KLHDC8A: variants seen among roughly 807,000 people sequenced by gnomAD.
KLHDC8A encodes the protein kelch domain containing 8A, also known as kelch domain-containing protein 8A.
A neutral mutation model predicts 33.1 loss-of-function variants in KLHDC8A; 21 were observed. The observed-to-expected ratio is 0.64, with a 90% CI of 0.45 to 0.91. The LOEUF is 0.91. KLHDC8A is among the 40% of genes least tolerant of loss of function. The pLI, the probability that KLHDC8A is intolerant of heterozygous loss-of-function variation, is 0.00. For synonymous variants in KLHDC8A, 173 were observed against 193.5 expected (o/e 0.89, Z 0.88); for missense variants, 435 against 483.3 (o/e 0.90, Z 0.94).
rs111993013 is a variant in KLHDC8A at position 205,338,419 on chromosome 1, C to T, written c.859+76G>A. ...GTCTGCAGGGAGTCAGTACCCTTTCCTGCATATGCAAAGTGCCAAGGATCC... is the reference window on the plus strand; with the variant it reads ...GTCTGCAGGGAGTCAGTACCCTTTCTTGCATATGCAAAGTGCCAAGGATCC... On this transcript the variant is annotated intron_variant, in intron 5 of 5. Coordinates refer to ENST00000367155, the MANE Select transcript of KLHDC8A (RefSeq NM_018203.3). 327 of 1,174,488 alleles carry T rather than the reference C, an allele frequency of 2.8e-4. No individual in the cohort carries two copies. In the African/African-American group the frequency reaches 3.8e-3, roughly 14 times the overall value. 72.8% of individuals were successfully genotyped at this position (1,174,488 alleles called of 1,614,324 possible).
chr1:205,343,724 C>G lies in KLHDC8A; in HGVS notation c.-120G>C. 1 of 1,073,494 alleles carries G rather than the reference C, an allele frequency of 9.3e-7. No individual in the cohort carries two copies. Among genetic ancestry groups the G allele is most frequent in the East Asian group, 2.6e-5 (1 of 38,036 alleles). 66.5% of individuals were successfully genotyped at this position (1,073,494 alleles called of 1,614,324 possible). Reference sequence around the variant, plus strand: ...TCCATCTGGCTCCCGAGCGCCGGACCCAGCCAGACCCCGGCCAGTGCTTCA... The same window carrying G: ...TCCATCTGGCTCCCGAGCGCCGGACGCAGCCAGACCCCGGCCAGTGCTTCA... On this transcript the variant is annotated 5_prime_UTR_variant, in exon 2 of 6. Transcript: ENST00000367155.
intron 2 of KLHDC8A, among the ~76,000 whole-genome samples, chr1:205,341,170 G>C (rs1275338423): frequency 6.6e-6 from 1 of 152,106 alleles, no homozygotes; most frequent in East Asian, 1.9e-4. Context: ...AGAGAGGATG[G>C]GCAAGGCATC....
At position 205,343,214 on chromosome 1, in the gene KLHDC8A, C is replaced by T. The variant is rs2102285093; in HGVS notation, c.376+15G>A. On this transcript the variant is annotated intron_variant, in intron 2 of 5. Transcript: ENST00000367155. ...TTCCTTCTCTCTGGCCGCCCTCAGC[C>T]CTGGCCCCACTTGCCTTTGGCCGTG... 4 of 1,571,914 alleles carry T rather than the reference C, an allele frequency of 2.5e-6. No individual in the cohort carries two copies. The highest frequency in any genetic ancestry group is 1.7e-5 in the Admixed American group (1 of 57,706).
chr1:205,341,356 T>C (rs1265696989), intron 2 of KLHDC8A, among the ~76,000 whole-genome samples: 6 of 19,554 alleles, frequency 3.1e-4, no homozygotes, highest in Admixed American at 1.5e-3. Context: ...TCCAATCTTA[T>C]TGGAAAAAAA....
rs1276637282 is a variant in KLHDC8A at position 205,343,509 on chromosome 1, C to G, written c.96G>C (p.Gln32His). Residue 32 changes from glutamine to histidine, a missense_variant, in exon 2 of 6, where the codon CAG (glutamine) becomes CAC (histidine). Physicochemically the swap from Gln to His is conservative, Grantham distance 24. Transcript: ENST00000367155. ...VYCSLLETGG[Q>H]VYAIGGCDDN... Reference sequence around the variant, plus strand: ...CGTCACATCCCCCGATGGCATAGACCTGGCCCCCGGTCTCCAGCAGGGAGC... The same window carrying G: ...CGTCACATCCCCCGATGGCATAGACGTGGCCCCCGGTCTCCAGCAGGGAGC... 1.5e-5 allele frequency: 25 copies of G among 1,613,374 alleles called. No individual in the cohort carries two copies. Among genetic ancestry groups the G allele is most frequent in the Non-Finnish European group, 1.9e-5 (23 of 1,179,882 alleles).
chr1:205,340,403 A>G (rs1436416926), intron 2 of KLHDC8A, among the ~76,000 whole-genome samples: 1 of 152,188 alleles, frequency 6.6e-6, no homozygotes, highest in Non-Finnish European at 1.5e-5. Context: ...CACTGCGTGA[A>G]GTTTAGGCCT....
At chr1:205,350,973 G>C (rs1663086862) in intron 1 of KLHDC8A, among the ~76,000 whole-genome samples, 1 of 152,212 alleles carries the variant, frequency 6.6e-6, no homozygotes, top group Non-Finnish European at 1.5e-5. Context: ...CCTAGAGGTA[G>C]AGGGCCTGCT....
intron 1 of KLHDC8A, among the ~76,000 whole-genome samples, chr1:205,345,697 C>T (rs111417752): frequency 0.02 from 3,056 of 152,210 alleles, 116 homozygotes; most frequent in African/African-American, 0.07. Flanking sequence ...GCTGAGATTG[C>T]GCCACTGCAC....
rs114856136 is a variant in KLHDC8A, at chr1:205,347,385, C to T, written c.-189-3592G>A. Among the ~76,000 whole-genome samples, 1,054 of 152,244 alleles carry T rather than the reference C, an allele frequency of 6.9e-3. 13 individuals carry two copies. The highest frequency in any genetic ancestry group is 0.024 in the African/African-American group (986 of 41,528). On this transcript the variant is annotated intron_variant, in intron 1 of 5. Transcript: ENST00000367155. ...AAATCCTTCTTGCTCTAAAATCTTG[C>T]GTAACATTAAGCCGGTGTTTCTCTT...
At position 205,343,537 on chromosome 1, in the gene KLHDC8A, T is replaced by G; in HGVS notation, c.68A>C (p.Tyr23Ser). 1 of 1,612,824 alleles carries G rather than the reference T, an allele frequency of 6.2e-7. No homozygotes were observed. The highest frequency in any genetic ancestry group is 8.5e-7 in the Non-Finnish European group (1 of 1,179,546). ...RLAPLPSRRVYCSLLETGGQV... is the reference protein window; with the variant it reads ...RLAPLPSRRVSCSLLETGGQV... ...GCCCCCGGTCTCCAGCAGGGAGCAGTAGACCCGGCGGCTGGGCAGTGGCGC... is the reference window on the plus strand; with the variant it reads ...GCCCCCGGTCTCCAGCAGGGAGCAGGAGACCCGGCGGCTGGGCAGTGGCGC... Residue 23 changes from tyrosine (Y) to serine (S), a missense_variant, in exon 2 of 6, where the codon TAC becomes TCC. By Grantham distance (144) the Tyr-to-Ser change is moderately radical. Coordinates refer to ENST00000367155, the MANE Select transcript of KLHDC8A (RefSeq NM_018203.3).
intron 1 of KLHDC8A, among the ~76,000 whole-genome samples, chr1:205,350,856 T>TGCGCAC (rs1439664153): frequency 1.7e-5 from 2 of 115,248 alleles, no homozygotes; most frequent in East Asian, 5.8e-4. Context: ...CATGTGTGTG[T>TGCGCAC]GCATGTGTGT....
intron 1 of KLHDC8A, among the ~76,000 whole-genome samples, chr1:205,352,922 A>C (rs1458401507): frequency 1.3e-5 from 2 of 152,342 alleles, no homozygotes; most frequent in African/African-American, 4.8e-5. Flanking sequence ...CAAGAAACAG[A>C]GGGACAATTT....
At chr1:205,342,100 A>T (rs1662808789) in intron 2 of KLHDC8A, among the ~76,000 whole-genome samples, 1 of 152,218 alleles carries the variant, frequency 6.6e-6, no homozygotes, top group Non-Finnish European at 1.5e-5. Flanking sequence ...GCACAGACTC[A>T]ATCATCACTA....
chr1:205,344,897 C>T (rs1382466873), intron 1 of KLHDC8A, among the ~76,000 whole-genome samples: 1 of 152,114 alleles, frequency 6.6e-6, no homozygotes, highest in Non-Finnish European at 1.5e-5. Context: ...GAAGTTTTTC[C>T]ATCTGCCACA....
rs754605995 is a variant in KLHDC8A, at chr1:205,343,425, G to A, written c.180C>T (p.Thr60=). The A allele has an allele frequency of 2.5e-6, 4 of 1,613,280 alleles. No individual in the cohort carries two copies. Among genetic ancestry groups the A allele is most frequent in the East Asian group, 2.2e-5 (1 of 44,878 alleles). ...GGGCTGTGGGCAGCCGGGGCAAGGC[G>A]GTCCACTGGTCGGCCTCCGGGGAGT... ...EVYSPEADQW[T]ALPRLPTARA... is the part of the protein sequence containing the mutation. The change falls in exon 2 of 6, where the codon ACC becomes ACT. Residue 60 remains threonine (T), a synonymous_variant. Transcript: ENST00000367155.
Position 205,352,877 on chromosome 1 carries a change from C to G in KLHDC8A, c.-190+3656G>C, listed in dbSNP as rs368841967. Among the ~76,000 whole-genome samples, 23 of 152,306 alleles carry G rather than the reference C, an allele frequency of 1.5e-4. No individual in the cohort carries two copies. In the East Asian group the frequency reaches 3.3e-3, roughly 22 times the overall value. On this transcript the variant is annotated intron_variant, in intron 1 of 5. Transcript: ENST00000367155. ...AGAATGTGGCTGCCTGCTTAGCACC[C>G]AGGAGCTGCCAGTCCATCCCTGCAC...
At chr1:205,345,698 G>A (rs375754508) in intron 1 of KLHDC8A, among the ~76,000 whole-genome samples, 98 of 152,212 alleles carry the variant, frequency 6.4e-4, no homozygotes, top group African/African-American at 2.3e-3. Context: ...CTGAGATTGC[G>A]CCACTGCACT....
At chr1:205,353,975 C>G (rs1249943433) in intron 1 of KLHDC8A, among the ~76,000 whole-genome samples, 1 of 152,146 alleles carries the variant, frequency 6.6e-6, no homozygotes, top group Admixed American at 6.6e-5. Flanking sequence ...CTGCCTAACC[C>G]CACAGCCCAT....
intron 1 of KLHDC8A, chr1:205,351,209 A>G: frequency 1.3e-6 from 1 of 779,338 alleles, no homozygotes; most frequent in Non-Finnish European, 2.4e-6. Flanking sequence ...TCACTTTAAG[A>G]GCAGGCTTTC....
Sources: allele counts gnomAD v4.1 joint callset (sites outside exome capture counted in the v4.1 genomes callset), GRCh38; gene constraint gnomAD v4.1.1; transcripts MANE v1.5; gene names NCBI Gene and HGNC (gene_info 2026-07-23, HGNC 2026-07-21).